The following ROBO2 variants were observed in gnomAD, a reference collection of about 807,000 sequenced individuals.
The protein encoded by ROBO2 is roundabout homolog 2.
A neutral mutation model predicts 160.8 loss-of-function variants in ROBO2; 53 were observed. The ratio of observed to expected loss-of-function variants is 0.33; its 90% CI spans 0.26 to 0.41. ROBO2 has a LOEUF of 0.41. ROBO2 is among the 10% of genes least tolerant of loss of function. The pLI is 1.00. For synonymous variants in ROBO2, 664 were observed against 611.7 expected (o/e 1.09, Z -1.26); for missense variants, 1,577 against 1,722.4 (o/e 0.92, Z 1.49).
chr3:76,197,051 T>A (rs1195635909), intron 2 of ROBO2, among the ~76,000 whole-genome samples: 2 of 152,246 alleles, frequency 1.3e-5, no homozygotes, highest in Non-Finnish European at 2.9e-5. Flanking sequence ...CTGGTTATAC[T>A]GTTGTACCCA....
chr3:76,579,655 G>A (rs541528745), intron 2 of ROBO2, among the ~76,000 whole-genome samples: 7 of 151,918 alleles, frequency 4.6e-5, no homozygotes, highest in Non-Finnish European at 1.0e-4. Context: ...GAAGTTTCAT[G>A]TCTAATATGT....
intron 2 of ROBO2, among the ~76,000 whole-genome samples, chr3:76,546,105 A>G (rs2083082237): frequency 6.6e-6 from 1 of 151,858 alleles, no homozygotes; most frequent in African/African-American, 2.4e-5. Context: ...TCCTTGGTAA[A>G]ATCATTCCAA....
intron 2 of ROBO2, among the ~76,000 whole-genome samples, chr3:76,507,533 A>T (rs1299539844): frequency 2.0e-5 from 3 of 152,116 alleles, no homozygotes; most frequent in African/African-American, 7.2e-5. Flanking sequence ...CTTTACAGAG[A>T]ATGCCTCTTC....
chr3:77,527,573 A>G (rs1267685375), intron 6 of ROBO2, among the ~76,000 whole-genome samples, 159 bp downstream of exon 7: 1 of 151,474 alleles, frequency 6.6e-6, no homozygotes, highest in African/African-American at 2.4e-5. Flanking sequence ...TTTTTTACTC[A>G]CTTTGATAAA....
chr3:77,334,693 A>G (rs144416207), intron 2 of ROBO2, among the ~76,000 whole-genome samples: 56 of 152,180 alleles, frequency 3.7e-4, no homozygotes, highest in African/African-American at 1.3e-3. Flanking sequence ...GATACTTTCA[A>G]GACTGACAGA....
chr3:76,287,444 C>A (rs2107689501), intron 2 of ROBO2, among the ~76,000 whole-genome samples: 1 of 151,996 alleles, frequency 6.6e-6, no homozygotes, highest in South Asian at 2.1e-4. Context: ...TACAGGCACC[C>A]ACCACCATGC....
In ROBO2 at chr3:77,099,075, T is replaced by TTTC. The variant is rs1553769761; in HGVS notation, c.388+737_388+738insCTT. Among the ~76,000 whole-genome samples the TTTC allele has an allele frequency of 8.7e-5, 11 of 126,936 alleles. No homozygotes were observed. The South Asian group carries it at 2.1e-3, about 25-fold the overall frequency. 83.3% of individuals were successfully genotyped at this position (126,936 alleles called of 152,430 possible). On this transcript the variant is annotated intron_variant, in intron 2 of 25. Transcript: ENST00000461745. ...AAATTGTACTTTTCTTTCTTTCTTT[T>TTTC]TTTTTTTTTTTTTTGAGACAGTGTC...
chr3:76,434,064 G>C, intron 2 of ROBO2: 1 of 1,307,770 alleles, frequency 7.6e-7, no homozygotes, highest in Non-Finnish European at 1.1e-6. Flanking sequence ...AGGGCAGTGG[G>C]CCTCCTGGAG....
intron 2 of ROBO2, among the ~76,000 whole-genome samples, chr3:76,998,234 C>T (rs1024611146): frequency 6.6e-6 from 1 of 152,056 alleles, no homozygotes; most frequent in African/African-American, 2.4e-5. Flanking sequence ...TTGATTGATA[C>T]TTGCGTTCAT....
chr3:77,305,446 A>C (rs7636309), intron 2 of ROBO2, among the ~76,000 whole-genome samples: 148,847 of 152,290 alleles, frequency 0.98, 72,853 homozygotes, highest in East Asian at 1. Context: ...TACATCAGCA[A>C]TCTAAGCTGA....
At chr3:77,646,267 C>T (rs2095412136) in exon 26 of ROBO2, 1 of 411,616 alleles carries the variant, frequency 2.4e-6, no homozygotes, top group East Asian at 3.6e-5. Flanking sequence ...TCTTTCTTGT[C>T]AGGAGTATAT....
At chr3:77,319,696 C>T (rs2064464298) in intron 2 of ROBO2, among the ~76,000 whole-genome samples, 5 of 152,134 alleles carry the variant, frequency 3.3e-5, no homozygotes, top group Admixed American at 3.3e-4. Flanking sequence ...TCATATGAAA[C>T]TTCAATATGA....
chr3:77,028,468 C>T (rs1005031004), intron 2 of ROBO2, among the ~76,000 whole-genome samples: 1 of 152,156 alleles, frequency 6.6e-6, no homozygotes, highest in Non-Finnish European at 1.5e-5. Flanking sequence ...GTAGTCCCAG[C>T]ACTTTGGGAG....
intron 2 of ROBO2, among the ~76,000 whole-genome samples, chr3:76,302,208 T>C (rs1012443141): frequency 2.0e-5 from 3 of 152,126 alleles, no homozygotes; most frequent in African/African-American, 7.2e-5. Context: ...GAATTAGTCA[T>C]AGAAGATGGT....
At chr3:76,750,399 C>A (rs1418910330) in intron 2 of ROBO2, among the ~76,000 whole-genome samples, 1 of 152,038 alleles carries the variant, frequency 6.6e-6, no homozygotes, top group East Asian at 1.9e-4. Flanking sequence ...GACAGGGATG[C>A]CCTCTCTCAC....
intron 2 of ROBO2, among the ~76,000 whole-genome samples, chr3:77,022,945 C>G (rs2062731989): frequency 6.6e-6 from 1 of 152,114 alleles, no homozygotes; most frequent in African/African-American, 2.4e-5. Context: ...AACAATAATT[C>G]CCATTCTTCC....
At chr3:77,428,721 A>G (rs2078475381) in intron 2 of ROBO2, among the ~76,000 whole-genome samples, 2 of 152,060 alleles carry the variant, frequency 1.3e-5, no homozygotes, top group Admixed American at 1.3e-4. Context: ...AATAGCTTTT[A>G]ATTAATTTTT....
At chr3:76,143,523 A>G (rs1011353521) in intron 2 of ROBO2, among the ~76,000 whole-genome samples, 1 of 152,074 alleles carries the variant, frequency 6.6e-6, no homozygotes, top group African/African-American at 2.4e-5. Context: ...CTATTGGTAG[A>G]TCATGCCATG....
At chr3:77,544,201 T>C (rs1401208805) in intron 6 of ROBO2, among the ~76,000 whole-genome samples, 1 of 151,768 alleles carries the variant, frequency 6.6e-6, no homozygotes, top group Non-Finnish European at 1.5e-5. Context: ...TTCTCTAAAA[T>C]AATTTTTTAA....
Sources: gnomAD v4.1 joint callset for allele counts (sites outside exome capture counted in the v4.1 genomes callset) on GRCh38, gnomAD v4.1.1 for gene constraint, MANE v1.5 for transcripts, NCBI Gene and HGNC (gene_info 2026-07-23, HGNC 2026-07-21) for gene names.